Variants in KCNG3 observed in about 807,000 individuals in gnomAD.
The protein encoded by KCNG3 is potassium voltage-gated channel modifier subfamily G member 3, also known as voltage-gated potassium channel regulatory subunit KCNG3.
A neutral mutation model predicts 29.0 loss-of-function variants in KCNG3; 15 were observed. That is an observed-to-expected ratio of 0.52 (90% CI 0.35 to 0.80). KCNG3 has a LOEUF of 0.80. KCNG3 is among the 30% of genes least tolerant of loss of function. The pLI is 0.01. For missense variants in KCNG3, 512 were observed against 605.7 expected (o/e 0.85, Z 1.62); for synonymous variants, 322 against 248.9 (o/e 1.29, Z -2.76).
At chr2:42,419,568 T>C in the KCNG3 span, among the ~76,000 whole-genome samples, 3 of 152,170 alleles carry the variant, frequency 2.0e-5, 1 homozygote, top group South Asian at 6.2e-4. Flanking sequence ...ATGGTATTTC[T>C]TAATATCCTT....
At chr2:42,401,660 T>G in the KCNG3 span, among the ~76,000 whole-genome samples, 1 of 152,044 alleles carries the variant, frequency 6.6e-6, no homozygotes, top group Admixed American at 6.6e-5. Flanking sequence ...CCCAGGCTAG[T>G]CTTGAAGTCC....
At chr2:42,404,653 G>T in the KCNG3 span, among the ~76,000 whole-genome samples, 2 of 152,106 alleles carry the variant, frequency 1.3e-5, no homozygotes, top group African/African-American at 4.8e-5. Context: ...GCTTCAGCCC[G>T]GGAGGCGGAG....
the KCNG3 span, among the ~76,000 whole-genome samples, chr2:42,409,803 C>T: frequency 6.6e-6 from 1 of 151,706 alleles, no homozygotes; most frequent in Non-Finnish European, 1.5e-5. Context: ...ATCCCACTCC[C>T]AGGTAACCTC....
chr2:42,434,193 T>G, the KCNG3 span, among the ~76,000 whole-genome samples: 16 of 152,254 alleles, frequency 1.1e-4, no homozygotes, highest in African/African-American at 3.9e-4. Flanking sequence ...AGCCTACACC[T>G]GTAATCCCAA....
the KCNG3 span, among the ~76,000 whole-genome samples, chr2:42,390,137 C>A: frequency 1.2e-4 from 19 of 152,306 alleles, no homozygotes; most frequent in Admixed American, 3.9e-4. Flanking sequence ...CATTTATAAA[C>A]AACAGCACCA....
At chr2:42,486,982 C>A (rs895519592) in intron 1 of KCNG3, among the ~76,000 whole-genome samples, 3 of 151,854 alleles carry the variant, frequency 2.0e-5, no homozygotes, top group Non-Finnish European at 4.4e-5. Context: ...TATGGTTAAA[C>A]CCCATCTCTA....
intron 1 of KCNG3, chr2:42,469,752 A>G (rs1239418834): frequency 6.3e-6 from 1 of 159,334 alleles, no homozygotes; most frequent in African/African-American, 2.4e-5. Flanking sequence ...TCATAAAGAA[A>G]AATTTGATAA....
the KCNG3 span, among the ~76,000 whole-genome samples, chr2:42,397,926 T>TA: frequency 6.6e-6 from 1 of 152,138 alleles, no homozygotes; most frequent in Non-Finnish European, 1.5e-5. Context: ...ACATTGTCTT[T>TA]AAAATCAAGA....
chr2:42,453,602 T>C (rs992735639), intron 1 of KCNG3, among the ~76,000 whole-genome samples: 2 of 152,180 alleles, frequency 1.3e-5, no homozygotes, highest in East Asian at 3.8e-4. Context: ...TACATTCTGG[T>C]TTTTAATCCC....
At position 42,444,381 on chromosome 2, in the gene KCNG3, C is replaced by A; in HGVS notation, c.864G>T (p.Leu288Phe). 1 of 1,614,166 alleles carries A rather than the reference C, an allele frequency of 6.2e-7. No homozygotes were observed. The highest frequency in any genetic ancestry group is 8.5e-7 in the Non-Finnish European group (1 of 1,180,032). ...AAATCCTCATCATTCTAAGTACCCTCAAGGTGACTCCAGCCCTCTGGAGTT... is the reference window on the plus strand; with the variant it reads ...AAATCCTCATCATTCTAAGTACCCTAAAGGTGACTCCAGCCCTCTGGAGTT... ...NSQLQRAGVT[L>F]RVLRMMRIFW... Residue 288 changes from leucine to phenylalanine, a missense_variant, in exon 2 of 2, where the codon TTG (leucine) becomes TTT (phenylalanine). By Grantham distance (22) the Leu-to-Phe change is conservative. This residue lies in a region of KCNG3 where 173 missense variants were observed against 262.4 expected (regional missense o/e 0.66). Coordinates refer to ENST00000306078, the MANE Select transcript of KCNG3 (RefSeq NM_133329.6). This position sits in a 1 kb window ranked among gnomAD's most constrained non-coding sequence, Gnocchi z 5.8.
the KCNG3 span, among the ~76,000 whole-genome samples, chr2:42,433,550 A>T: frequency 6.6e-6 from 1 of 151,890 alleles, no homozygotes; most frequent in Non-Finnish European, 1.5e-5. Flanking sequence ...ACCAGCCTGG[A>T]CAAAATGGTG....
intron 1 of KCNG3, among the ~76,000 whole-genome samples, chr2:42,477,576 T>G (rs553983585): frequency 2.0e-5 from 3 of 151,478 alleles, no homozygotes; most frequent in Non-Finnish European, 2.9e-5. Context: ...ATACAAAATT[T>G]TTATTAGATA....
chr2:42,389,428 C>A, the KCNG3 span, among the ~76,000 whole-genome samples: 5 of 152,152 alleles, frequency 3.3e-5, no homozygotes, highest in African/African-American at 4.8e-5. Flanking sequence ...TTGACTATTT[C>A]CTGGGAATGA....
intron 1 of KCNG3, among the ~76,000 whole-genome samples, chr2:42,475,438 C>T (rs959654101): frequency 1.9e-4 from 29 of 150,738 alleles, no homozygotes; most frequent in African/African-American, 7.1e-4. Flanking sequence ...AAGTGATTCT[C>T]GTGCCTCAGC....
the KCNG3 span, chr2:42,413,676 G>C: frequency 1.3e-5 from 2 of 152,426 alleles, no homozygotes; most frequent in Admixed American, 1.3e-4. Context: ...AGTTCCACAG[G>C]AGGGAGGCCT....
chr2:42,475,681 A>T (rs569478136), intron 1 of KCNG3, among the ~76,000 whole-genome samples: 67 of 151,976 alleles, frequency 4.4e-4, no homozygotes, highest in African/African-American at 1.6e-3. Context: ...GTGACTGTAA[A>T]TTGTGTCAAA....
intron 1 of KCNG3, among the ~76,000 whole-genome samples, chr2:42,454,765 A>G (rs1444365573): frequency 1.3e-5 from 2 of 152,202 alleles, no homozygotes; most frequent in African/African-American, 2.4e-5. Flanking sequence ...CCTTGAAGAC[A>G]TTACGTTAAG....
chr2:42,456,051 A>C (rs1422523309), intron 1 of KCNG3, among the ~76,000 whole-genome samples: 1 of 151,474 alleles, frequency 6.6e-6, no homozygotes, highest in Non-Finnish European at 1.5e-5. Context: ...TATGAATCCA[A>C]ACTCCAATAA....
the KCNG3 span, among the ~76,000 whole-genome samples, chr2:42,401,050 T>C: frequency 6.6e-6 from 1 of 151,276 alleles, no homozygotes; most frequent in Non-Finnish European, 1.5e-5. Context: ...CATGTGTGTA[T>C]ATAAATATTC....
Sources: gnomAD v4.1 joint callset for allele counts (sites outside exome capture counted in the v4.1 genomes callset) on GRCh38, gnomAD v4.1.1 for gene constraint, gnomAD v4.1.1 regional missense constraint, Gnocchi (gnomAD v3.1) non-coding constraint, MANE v1.5 for transcripts, NCBI Gene and HGNC (gene_info 2026-07-23, HGNC 2026-07-21) for gene names.